Variants in GRIK4 observed in about 807,000 individuals in gnomAD.
The protein encoded by GRIK4 is glutamate ionotropic receptor kainate type subunit 4, also known as glutamate receptor ionotropic, kainate 4.
GRIK4 carries 40 observed loss-of-function variants against 104.9 expected under a neutral mutation model. The ratio of observed to expected loss-of-function variants is 0.38; its 90% CI spans 0.30 to 0.50. The LOEUF (loss-of-function observed/expected upper bound fraction) is 0.50, where lower values mean the gene tolerates loss of function less well. GRIK4 is among the 20% of genes least tolerant of loss of function. The probability of loss-of-function intolerance (pLI) is 0.93; values close to 1 mark genes in which losing one functional copy is unlikely to be tolerated. For synonymous variants in GRIK4, 485 were observed against 524.9 expected, an observed-to-expected ratio of 0.92 and a Z score of 1.04; for missense variants, 1,047 against 1,308.1, an observed-to-expected ratio of 0.80 and a Z score of 3.08.
At position 120,608,331 on chromosome 11, in the gene GRIK4, A is replaced by G. The variant is rs1348170906; in HGVS notation, c.-158-45354A>G. Among the ~76,000 whole-genome samples the G allele has an allele frequency of 2.6e-5, 4 of 152,240 alleles. No individual in the cohort carries two copies. In the East Asian group the frequency reaches 7.7e-4, roughly 29 times the overall value. On this transcript the variant is annotated intron_variant, in intron 1 of 20. Coordinates refer to ENST00000527524, the MANE Select transcript of GRIK4 (RefSeq NM_014619.5). ...GTGAGACCCCATCTATACAAAAAGT[A>G]TAGGAAGAAAAGGAGAAATCTGGGA...
Position 120,770,666 on chromosome 11 carries a change from A to G in GRIK4, c.83-32027A>G, listed in dbSNP as rs187223398. ...ACTCTGGGGAAGTGCCATGGTCTCA[A>G]TGTTTGTGTCTGCCCCGCCCCTGCC... is the stretch of plus-strand genomic sequence containing the variant. On this transcript the variant is annotated intron_variant, in intron 3 of 20. Transcript: ENST00000527524. Among the ~76,000 whole-genome samples the G allele has an allele frequency of 7.9e-5, 12 of 152,280 alleles. No homozygotes were observed. The East Asian group carries it at 2.3e-3, about 29-fold the overall frequency.
chr11:120,645,376 A>T (rs974118741), intron 1 of GRIK4, among the ~76,000 whole-genome samples: 9 of 152,196 alleles, frequency 5.9e-5, no homozygotes, highest in African/African-American at 2.2e-4. Flanking sequence ...GTGTCATATT[A>T]GTTTTCCTTT....
chr11:120,611,300 A>G (rs1305846281), intron 1 of GRIK4, among the ~76,000 whole-genome samples: 10 of 152,188 alleles, frequency 6.6e-5, no homozygotes, highest in Non-Finnish European at 1.5e-4. Flanking sequence ...AAGTGGTTTC[A>G]TCTCTTCGGG....
intron 1 of GRIK4, among the ~76,000 whole-genome samples, chr11:120,538,203 G>A (rs955664265): frequency 6.6e-6 from 1 of 152,220 alleles, no homozygotes; most frequent in Non-Finnish European, 1.5e-5. Flanking sequence ...TCCCCAGGAC[G>A]AGGCTGCTTT....
At chr11:120,745,935 A>G (rs567544911) in intron 3 of GRIK4, among the ~76,000 whole-genome samples, 3 of 152,316 alleles carry the variant, frequency 2.0e-5, no homozygotes, top group Admixed American at 1.3e-4. Flanking sequence ...CTGACGATGC[A>G]TTAGGCACCT....
At chr11:120,761,431 A>C (rs967720154) in intron 3 of GRIK4, among the ~76,000 whole-genome samples, 5 of 152,216 alleles carry the variant, frequency 3.3e-5, no homozygotes, top group African/African-American at 9.6e-5. Context: ...TTGTTTTGCT[A>C]TGCAGAAGCT....
At chr11:120,893,834 G>A (rs988786747) in intron 11 of GRIK4, among the ~76,000 whole-genome samples, 17 of 152,230 alleles carry the variant, frequency 1.1e-4, no homozygotes, top group African/African-American at 3.9e-4. Flanking sequence ...TTTCCTAACT[G>A]AGCATGGGCG....
At chr11:120,927,565 C>CAAAAAAAAAAAAAAAA (rs56223442) in intron 13 of GRIK4, among the ~76,000 whole-genome samples, 21 of 101,558 alleles carry the variant, frequency 2.1e-4, no homozygotes, top group African/African-American at 4.7e-4. Context: ...GACTCTGTCT[C>CAAAAAAAAAAAAAAAA]AAAAAAAAAA....
chr11:120,712,745 C>T lies in GRIK4; in HGVS notation c.82+52345C>T, dbSNP rs546502350. Among the ~76,000 whole-genome samples the T allele has an allele frequency of 6.6e-4, 100 of 152,306 alleles. 1 individual carries two copies. Among genetic ancestry groups the T allele is most frequent in the South Asian group, 1.9e-3 (9 of 4,824 alleles). On this transcript the variant is annotated intron_variant, in intron 3 of 20. Transcript: ENST00000527524. ...CCTTATCACTCCCTTCTGCTGGCCCCGGTTGGCCCTCCTGGGCCTAGAGAA... is the reference window on the plus strand; with the variant it reads ...CCTTATCACTCCCTTCTGCTGGCCCTGGTTGGCCCTCCTGGGCCTAGAGAA...
chr11:120,819,861 C>T lies in GRIK4; in HGVS notation c.452C>T (p.Ala151Val). 6.2e-7 allele frequency: 1 copy of T among 1,614,160 alleles called. No individual in the cohort carries two copies. Among genetic ancestry groups the T allele is most frequent in the Non-Finnish European group, 8.5e-7 (1 of 1,179,996 alleles). The change falls in exon 6 of 21, where the codon GCT becomes GTT. Residue 151 changes from alanine to valine, a missense_variant. By Grantham distance (64) the Ala-to-Val change is moderately conservative. Coordinates refer to ENST00000527524, the MANE Select transcript of GRIK4 (RefSeq NM_014619.5). This position sits in a 1 kb window ranked among gnomAD's most constrained non-coding sequence, Gnocchi z 4.3. Reference sequence around the variant, plus strand: ...AACACTGACATCAGCGTGGCTGTAGCTGGGATCCTGAACTTCTTCAACTGC... The same window carrying T: ...AACACTGACATCAGCGTGGCTGTAGTTGGGATCCTGAACTTCTTCAACTGC... Reference protein sequence around the residue: ...PSNTDISVAVAGILNFFNCTT... With the variant: ...PSNTDISVAVVGILNFFNCTT...
chr11:120,564,264 T>C (rs967677314), intron 1 of GRIK4, among the ~76,000 whole-genome samples: 2 of 152,246 alleles, frequency 1.3e-5, no homozygotes, highest in Admixed American at 6.5e-5. Flanking sequence ...AATGCTCTCA[T>C]TGAAGCGCCG....
intron 3 of GRIK4, among the ~76,000 whole-genome samples, chr11:120,787,865 T>TTC (rs1952317285): frequency 8.8e-6 from 1 of 113,594 alleles, no homozygotes; most frequent in African/African-American, 3.6e-5. Flanking sequence ...TTTTTTTTTT[T>TTC]TTTTTTTTTT....
At chr11:120,875,498 G>A (rs1592021245) in intron 11 of GRIK4, among the ~76,000 whole-genome samples, 1 of 152,180 alleles carries the variant, frequency 6.6e-6, no homozygotes, top group Non-Finnish European at 1.5e-5. Context: ...GGTGTGTCAT[G>A]TAAGGGGGGG....
intron 13 of GRIK4, among the ~76,000 whole-genome samples, chr11:120,925,179 C>T (rs949054): frequency 0.82 from 124,519 of 152,146 alleles, 51,540 homozygotes; most frequent in African/African-American, 0.92. Flanking sequence ...TGGGCGATGC[C>T]CACAGAAGTT....
chr11:120,772,424 G>T (rs2135458659), intron 3 of GRIK4, among the ~76,000 whole-genome samples: 1 of 152,258 alleles, frequency 6.6e-6, no homozygotes, highest in South Asian at 2.1e-4. Context: ...AGCACCTACT[G>T]CATGCTAGGC....
chr11:120,729,249 C>G (rs920282301), intron 3 of GRIK4, among the ~76,000 whole-genome samples: 1 of 152,162 alleles, frequency 6.6e-6, no homozygotes, highest in Non-Finnish European at 1.5e-5. Context: ...CTTTGATACA[C>G]TGATTTCCTT....
chr11:120,775,329 G>T (rs1187842819), intron 3 of GRIK4, among the ~76,000 whole-genome samples: 1 of 152,200 alleles, frequency 6.6e-6, no homozygotes, highest in Non-Finnish European at 1.5e-5. Flanking sequence ...TGATGACGGG[G>T]AGGAGGAGGA....
chr11:120,738,944 C>T (rs1373038696), intron 3 of GRIK4, among the ~76,000 whole-genome samples: 2 of 152,260 alleles, frequency 1.3e-5, no homozygotes, highest in South Asian at 2.1e-4. Context: ...TCTGGCTTGT[C>T]GGCAGAGAGG....
chr11:120,566,178 C>T (rs2135063063), intron 1 of GRIK4, among the ~76,000 whole-genome samples: 1 of 152,348 alleles, frequency 6.6e-6, no homozygotes, highest in South Asian at 2.1e-4. Context: ...AAAAATTCTT[C>T]ATTTGTAGAG....
Sources: allele counts gnomAD v4.1 joint callset (sites outside exome capture counted in the v4.1 genomes callset), GRCh38; gene constraint gnomAD v4.1.1; non-coding constraint Gnocchi (gnomAD v3.1); transcripts MANE v1.5; gene names NCBI Gene and HGNC (gene_info 2026-07-23, HGNC 2026-07-21).